GPC6: variants seen among roughly 807,000 people sequenced by gnomAD.
The protein encoded by GPC6 is glypican-6.
GPC6 carries 14 observed loss-of-function variants against 55.2 expected under a neutral mutation model. That is an observed-to-expected ratio of 0.25 (90% confidence interval 0.17 to 0.40). The LOEUF (loss-of-function observed/expected upper bound fraction) is 0.40, where lower values mean the gene tolerates loss of function less well. Among genes scored for constraint, GPC6 ranks in the 10% least tolerant of loss-of-function variants. The probability of loss-of-function intolerance (pLI) is 1.00; values close to 1 mark genes in which losing one functional copy is unlikely to be tolerated. For synonymous variants in GPC6, 278 were observed against 259.6 expected (o/e 1.07, Z -0.68); for missense variants, 641 against 708.5 (o/e 0.90, Z 1.08).
At chr13:93,459,581 C>T (rs1666097352) in intron 1 of GPC6, among the ~76,000 whole-genome samples, 1 of 152,104 alleles carries the variant, frequency 6.6e-6, no homozygotes, top group Non-Finnish European at 1.5e-5. Context: ...TAGTGGTTTT[C>T]TTACATAGAC....
intron 6 of GPC6, among the ~76,000 whole-genome samples, chr13:94,316,318 A>C (rs185553751): frequency 6.6e-6 from 1 of 152,208 alleles, no homozygotes; most frequent in South Asian, 2.1e-4. Context: ...CTTTGAGTTC[A>C]ATCATCATTC....
At chr13:93,445,453 C>G (rs1877966692) in intron 1 of GPC6, among the ~76,000 whole-genome samples, 1 of 152,150 alleles carries the variant, frequency 6.6e-6, no homozygotes, top group Admixed American at 6.5e-5. Context: ...GAACATCTAA[C>G]TCAGTTCTGA....
chr13:93,521,506 G>T (rs1037895678), intron 1 of GPC6, among the ~76,000 whole-genome samples: 1 of 151,906 alleles, frequency 6.6e-6, no homozygotes, highest in African/African-American at 2.4e-5. Context: ...GCTTGTGAAC[G>T]CTGGTGCAGG....
chr13:94,244,729 G>A (rs1395300954), intron 4 of GPC6, among the ~76,000 whole-genome samples: 1 of 152,046 alleles, frequency 6.6e-6, no homozygotes, highest in African/African-American at 2.4e-5. Context: ...TGAAGGCAGA[G>A]TAGCCATGTG....
chr13:94,019,968 T>A (rs1377520293), intron 3 of GPC6, among the ~76,000 whole-genome samples: 2 of 152,176 alleles, frequency 1.3e-5, no homozygotes, highest in Admixed American at 1.3e-4. Flanking sequence ...AAGAACCAGT[T>A]GTTGGTTCCA....
intron 2 of GPC6, among the ~76,000 whole-genome samples, chr13:93,581,830 G>A (rs910789574): frequency 6.6e-6 from 1 of 152,208 alleles, no homozygotes; most frequent in Non-Finnish European, 1.5e-5. Flanking sequence ...GAAGCCTGAG[G>A]GAAAGATGTT....
intron 4 of GPC6, among the ~76,000 whole-genome samples, chr13:94,126,631 T>A (rs1376123691): frequency 1.3e-5 from 2 of 152,074 alleles, no homozygotes; most frequent in African/African-American, 2.4e-5. Context: ...CATCAATTAA[T>A]AGAAGGGTAA....
At chr13:94,353,574 C>CATAT (rs145570959) in intron 6 of GPC6, among the ~76,000 whole-genome samples, 5,330 of 149,996 alleles carry the variant, frequency 0.036, 129 homozygotes, top group East Asian at 0.071. Context: ...GTGCGAGGAG[C>CATAT]ATATATATAT....
chr13:93,476,250 A>G (rs1879297100), intron 1 of GPC6, among the ~76,000 whole-genome samples: 1 of 152,104 alleles, frequency 6.6e-6, no homozygotes, highest in Non-Finnish European at 1.5e-5. Context: ...AGAAATTAGT[A>G]TGACTTGCTA....
At chr13:94,224,555 A>G (rs2139005314) in intron 4 of GPC6, among the ~76,000 whole-genome samples, 1 of 152,144 alleles carries the variant, frequency 6.6e-6, no homozygotes, top group Non-Finnish European at 1.5e-5. Context: ...AGAAAGACCC[A>G]AATCAGAACC....
chr13:93,455,319 T>C (rs1480097353), intron 1 of GPC6, among the ~76,000 whole-genome samples: 1 of 152,166 alleles, frequency 6.6e-6, no homozygotes, highest in Non-Finnish European at 1.5e-5. Context: ...GAGGGAGGGC[T>C]GTGAGGACTG....
intron 2 of GPC6, among the ~76,000 whole-genome samples, chr13:93,639,240 A>AGTAT (rs1177434370): frequency 2.6e-5 from 4 of 152,148 alleles, no homozygotes; most frequent in African/African-American, 2.4e-5. Flanking sequence ...TGGAGCCCAC[A>AGTAT]GTATCCTGGA....
At chr13:93,943,053 G>C (rs555831772) in intron 3 of GPC6, among the ~76,000 whole-genome samples, 1 of 152,022 alleles carries the variant, frequency 6.6e-6, no homozygotes, top group Non-Finnish European at 1.5e-5. Context: ...ATAAGGCTCT[G>C]CTGCAGGCTT....
chr13:93,307,038 A>AT (rs936455558), intron 1 of GPC6, among the ~76,000 whole-genome samples: 7 of 152,036 alleles, frequency 4.6e-5, no homozygotes, highest in African/African-American at 1.4e-4. Context: ...TTGAATTTTT[A>AT]TTTTTTTATT....
intron 1 of GPC6, among the ~76,000 whole-genome samples, chr13:93,377,421 C>A (rs1449270582): frequency 6.6e-6 from 1 of 152,178 alleles, no homozygotes; most frequent in Non-Finnish European, 1.5e-5. Flanking sequence ...ATCCCCTAGA[C>A]TGGACAACTC....
chr13:93,945,271 A>G (rs145536890), intron 3 of GPC6, among the ~76,000 whole-genome samples: 6 of 152,354 alleles, frequency 3.9e-5, no homozygotes, highest in East Asian at 1.9e-4. Flanking sequence ...AATATAGTCA[A>G]TTGATTGTCA....
intron 1 of GPC6, among the ~76,000 whole-genome samples, chr13:93,335,705 T>G (rs1224394532): frequency 6.6e-6 from 1 of 152,202 alleles, no homozygotes; most frequent in African/African-American, 2.4e-5. Flanking sequence ...TGTCTAGTAT[T>G]ATACCCAGCC....
chr13:94,286,495 A>G lies in GPC6; in HGVS notation c.1008+16A>G, dbSNP rs1566634988. ...GTCTGCAAAGGTATTTGCATTAGTA[A>G]TGTATCTGCCAATACATGTATGTTA... is the stretch of plus-strand genomic sequence containing the variant. On this transcript the variant is annotated intron_variant, in intron 5 of 8. Transcript: ENST00000377047. 2.5e-6 allele frequency: 4 copies of G among 1,609,072 alleles called. No individual in the cohort carries two copies. In the South Asian group the frequency reaches 3.3e-5, roughly 13 times the overall value.
intron 3 of GPC6, among the ~76,000 whole-genome samples, chr13:93,861,644 C>A (rs1888817008): frequency 6.6e-6 from 1 of 151,600 alleles, no homozygotes; most frequent in Admixed American, 6.6e-5. Flanking sequence ...AGCTGGTTTA[C>A]TCTGCGCTGT....
Sources: allele counts gnomAD v4.1 joint callset (sites outside exome capture counted in the v4.1 genomes callset), GRCh38; gene constraint gnomAD v4.1.1; transcripts MANE v1.5; gene names NCBI Gene and HGNC (gene_info 2026-07-23, HGNC 2026-07-21).